The following SNX8 variants were observed in gnomAD, a reference collection of about 807,000 sequenced individuals.
SNX8 encodes sorting nexin-8.
SNX8 carries 25 observed loss-of-function variants against 51.6 expected under a neutral mutation model. The observed-to-expected ratio is 0.48, with a 90% confidence interval of 0.35 to 0.68. The LOEUF is 0.68. Ranked by LOEUF, SNX8 falls within the 30% of genes least tolerant of loss-of-function variation. SNX8 has a pLI of 0.00. For missense variants in SNX8, 695 were observed against 624.0 expected (o/e 1.11, Z -1.21); for synonymous variants, 324 against 277.0 (o/e 1.17, Z -1.68).
intron 7 of SNX8, among the ~76,000 whole-genome samples, chr7:2,258,762 C>T (rs1194708353): frequency 6.6e-6 from 1 of 152,118 alleles, no homozygotes; most frequent in Non-Finnish European, 1.5e-5. Context: ...GTGGGGGCAG[C>T]GGTGGACACA....
At chr7:2,299,493 G>A (rs749332386) in intron 1 of SNX8, 7 of 151,998 alleles carry the variant, frequency 4.6e-5, no homozygotes, top group Admixed American at 6.6e-5. Flanking sequence ...AACACCTCTC[G>A]GGTCTCTCAT....
chr7:2,299,951 A>G (rs966570949), intron 1 of SNX8, among the ~76,000 whole-genome samples: 4 of 152,196 alleles, frequency 2.6e-5, no homozygotes, highest in African/African-American at 9.6e-5. Context: ...ATCTATGGCA[A>G]GCACAGCAAG....
upstream of SNX8, among the ~76,000 whole-genome samples, chr7:2,318,621 G>A (rs902798499): frequency 3.3e-5 from 5 of 152,068 alleles, no homozygotes; most frequent in South Asian, 1.0e-3. Context: ...CTTGAACCTG[G>A]GAGGCAGATG....
At chr7:2,340,238 A>AT (rs773460984) in intron 1 of SNX8, among the ~76,000 whole-genome samples, 2,003 of 144,102 alleles carry the variant, frequency 0.014, 34 homozygotes, top group African/African-American at 0.042. Flanking sequence ...AATTTTCATA[A>AT]TTTTTTTTTT....
chr7:2,255,576 G>A (rs977905736), intron 10 of SNX8, among the ~76,000 whole-genome samples: 1 of 152,192 alleles, frequency 6.6e-6, no homozygotes, highest in African/African-American at 2.4e-5. Context: ...TGTCTCCACA[G>A]AAAATCAGAA....
chr7:2,347,319 A>G (rs1157153004), intron 1 of SNX8, among the ~76,000 whole-genome samples: 1 of 151,770 alleles, frequency 6.6e-6, no homozygotes, highest in Non-Finnish European at 1.5e-5. Context: ...TGTTTCTAAT[A>G]AAAATACAAA....
chr7:2,293,200 C>T (rs1449566481), intron 1 of SNX8, among the ~76,000 whole-genome samples: 2 of 147,186 alleles, frequency 1.4e-5, no homozygotes, highest in Admixed American at 1.3e-4. Context: ...CGCAGGTCTC[C>T]AATTCCTAAG....
intron 1 of SNX8, among the ~76,000 whole-genome samples, chr7:2,302,791 G>A (rs1254680074): frequency 1.1e-4 from 16 of 149,908 alleles, no homozygotes; most frequent in African/African-American, 3.0e-4. Context: ...CTGCCCGGCC[G>A]CGACCTCGTC....
intron 4 of SNX8, among the ~76,000 whole-genome samples, chr7:2,270,575 C>T (rs922661212): frequency 1.3e-5 from 2 of 152,044 alleles, no homozygotes; most frequent in East Asian, 3.9e-4. Context: ...CCACCTGTGA[C>T]CCACTGCACC....
intron 1 of SNX8, among the ~76,000 whole-genome samples, chr7:2,290,947 G>A (rs1796137167): frequency 6.6e-6 from 1 of 152,224 alleles, no homozygotes; most frequent in South Asian, 2.1e-4. Context: ...AGTCAGAGAA[G>A]AAGGTTGCTG....
intron 1 of SNX8, among the ~76,000 whole-genome samples, chr7:2,335,927 C>G (rs1445242204): frequency 1.3e-5 from 2 of 151,426 alleles, no homozygotes; most frequent in Non-Finnish European, 2.9e-5. Context: ...CATGGTGAAA[C>G]CCCATCTCTA....
chr7:2,293,055 A>C (rs993988654), intron 1 of SNX8, among the ~76,000 whole-genome samples: 28 of 151,112 alleles, frequency 1.9e-4, no homozygotes, highest in Admixed American at 7.9e-4. Flanking sequence ...AAAAGAGATA[A>C]ACTGAACTTC....
chr7:2,295,839 C>T (rs960634330), intron 1 of SNX8, among the ~76,000 whole-genome samples: 4 of 152,088 alleles, frequency 2.6e-5, no homozygotes, highest in African/African-American at 7.2e-5. Flanking sequence ...TTAACCAGGG[C>T]GTCCTTTCCC....
chr7:2,270,398 G>A (rs143443331), intron 4 of SNX8, among the ~76,000 whole-genome samples: 2,165 of 149,988 alleles, frequency 0.014, 53 homozygotes, highest in African/African-American at 0.05. Context: ...AGCCTGAGGC[G>A]GGAGGATCGC....
At chr7:2,263,719 C>CT (rs561183485) in intron 6 of SNX8, among the ~76,000 whole-genome samples, 2,766 of 146,710 alleles carry the variant, frequency 0.019, 38 homozygotes, top group African/African-American at 0.038. Context: ...TCAAAGGGAT[C>CT]TTTTTTTTTT....
chr7:2,318,837 C>A (rs1455354693), upstream of SNX8, among the ~76,000 whole-genome samples: 16 of 140,238 alleles, frequency 1.1e-4, no homozygotes, highest in African/African-American at 4.6e-4. Context: ...CATAGTGAGA[C>A]CCCATCTCTA....
Position 2,278,283 on chromosome 7 carries a change from G to A in SNX8, c.117C>T (p.Ile39=), listed in dbSNP as rs537741256. 15 of 1,586,902 alleles carry A rather than the reference G, an allele frequency of 9.5e-6. No homozygotes were observed. In the Admixed American group the frequency reaches 1.2e-4, roughly 13 times the overall value. Residue 39 remains isoleucine (I), a synonymous_variant, in exon 2 of 11, where the codon ATC becomes ATT. Coordinates refer to ENST00000222990, the MANE Select transcript of SNX8 (RefSeq NM_013321.4). ...CCTGCTGCACGATGGCCTGGGGCTCGATGGCCTGGGGTGTCGGCAGATCTG... is the reference window on the plus strand; with the variant it reads ...CCTGCTGCACGATGGCCTGGGGCTCAATGGCCTGGGGTGTCGGCAGATCTG... ...PASDLPTPQA[I]EPQAIVQQVP... is the part of the protein sequence containing the mutation.
In SNX8 at chr7:2,269,565, C is replaced by T. The variant is rs774010540; in HGVS notation, c.615G>A (p.Arg205=). ...AAAAAAAAAAGAAAAATACCTTGGC[C>T]CTGGTAGCCAGCTTACAGTTCAGGA... ...DEFLNCKLAT[R]AKDFLPADIQ... is the part of the protein sequence containing the mutation. Residue 205 remains arginine (R), a synonymous_variant, in exon 5 of 11, where the codon AGG becomes AGA. Transcript: ENST00000222990. The T allele has an allele frequency of 1.9e-6, 3 of 1,553,766 alleles. No individual in the cohort carries two copies. Among genetic ancestry groups the T allele is most frequent in the Non-Finnish European group, 1.7e-6 (2 of 1,154,014 alleles).
intron 1 of SNX8, among the ~76,000 whole-genome samples, chr7:2,327,086 G>A (rs1186487678): frequency 2.6e-5 from 4 of 152,132 alleles, no homozygotes; most frequent in East Asian, 3.8e-4. Context: ...GAAACTCATA[G>A]GGGAGGATTC....
Sources: gnomAD v4.1 joint callset for allele counts (sites outside exome capture counted in the v4.1 genomes callset) on GRCh38, gnomAD v4.1.1 for gene constraint, MANE v1.5 for transcripts, NCBI Gene and HGNC (gene_info 2026-07-23, HGNC 2026-07-21) for gene names.